The following PCDHGA3 variants were observed in gnomAD, a reference collection of about 807,000 sequenced individuals.
PCDHGA3 encodes protocadherin gamma-A3.
A neutral mutation model predicts 58.5 loss-of-function variants in PCDHGA3; 40 were observed. The observed-to-expected ratio is 0.68, with a 90% CI of 0.53 to 0.89. PCDHGA3 has a LOEUF of 0.89. Ranked by LOEUF, PCDHGA3 falls within the 40% of genes least tolerant of loss-of-function variation. The pLI, the probability that PCDHGA3 is intolerant of heterozygous loss-of-function variation, is 0.00. For synonymous variants in PCDHGA3, 530 were observed against 525.7 expected (o/e 1.01, Z -0.11); for missense variants, 1,223 against 1,195.9 (o/e 1.02, Z -0.33).
rs546241811 is a variant in PCDHGA3, at chr5:141,352,321, C to T, written c.2424+5864C>T. The stretch of plus-strand genomic sequence containing the variant: ...ACCCCCAGACGGAACTGCAGTTTTA[C>T]CTGGTTGTGGCCTTGGCCTTGATCT... On this transcript the variant is annotated intron_variant, in intron 1 of 3. Transcript: ENST00000253812. 212 of 1,614,078 alleles carry T rather than the reference C, an allele frequency of 1.3e-4. 3 individuals carry two copies. In the Middle Eastern group the frequency reaches 2.6e-3, roughly 20 times the overall value.
chr5:141,458,823 C>T (rs1185812086), intron 1 of PCDHGA3, among the ~76,000 whole-genome samples: 1 of 152,126 alleles, frequency 6.6e-6, no homozygotes, highest in African/African-American at 2.4e-5. Flanking sequence ...ACCTCTGCCT[C>T]CCAGGCTCAA....
chr5:141,389,196 C>T, intron 1 of PCDHGA3: 1 of 1,614,048 alleles, frequency 6.2e-7, no homozygotes, highest in South Asian at 1.1e-5. Flanking sequence ...CAGCATCACC[C>T]TGCACATTGG....
Position 141,486,200 on chromosome 5 carries a change from G to A in PCDHGA3, c.2425-8607G>A, listed in dbSNP as rs764874531. The stretch of plus-strand genomic sequence containing the variant: ...CAGCCTTCGAGTGGATCTGCTGGAC[G>A]TAAATGACAATGCCCCTTACATCAC... On this transcript the variant is annotated intron_variant, in intron 1 of 3. Transcript: ENST00000253812. The surrounding 1 kb of genome is among the most constrained non-coding windows in gnomAD (Gnocchi z 5.0). The A allele has an allele frequency of 2.0e-5, 32 of 1,614,096 alleles. No homozygotes were observed. Among genetic ancestry groups the A allele is most frequent in the Non-Finnish European group, 2.3e-5 (27 of 1,180,040 alleles).
intron 1 of PCDHGA3, among the ~76,000 whole-genome samples, chr5:141,353,388 A>C (rs944998762): frequency 2.6e-5 from 4 of 152,252 alleles, no homozygotes; most frequent in Non-Finnish European, 5.9e-5. Flanking sequence ...TAATGTAATT[A>C]TGTAATTAAT....
At position 141,410,454 on chromosome 5, in the gene PCDHGA3, C is replaced by T. The variant is rs199849689; in HGVS notation, c.2424+63997C>T. 5,103 of 1,614,034 alleles carry T rather than the reference C, an allele frequency of 3.2e-3. 16 individuals are homozygous for T. Among genetic ancestry groups the T allele is most frequent in the Non-Finnish European group, 4.0e-3 (4,661 of 1,179,898 alleles). On this transcript the variant is annotated intron_variant, in intron 1 of 3. Transcript: ENST00000253812. ...TACAGTGAGGGGACTTTGCCTTATT[C>T]TTATAATCTGTGCATTGCACATACG... is the stretch of plus-strand genomic sequence containing the variant.
chr5:141,352,839 T>A (rs932260905), intron 1 of PCDHGA3: 4 of 717,548 alleles, frequency 5.6e-6, no homozygotes, highest in Non-Finnish European at 9.0e-6. Context: ...ATTACAAAAA[T>A]TAGTTGGGTG....
rs2099394923 is a variant in PCDHGA3 at position 141,476,611 on chromosome 5, A to G, written c.2425-18196A>G. On this transcript the variant is annotated intron_variant, in intron 1 of 3. Coordinates refer to ENST00000253812, the MANE Select transcript of PCDHGA3 (RefSeq NM_018916.4). The surrounding 1 kb of genome is among the most constrained non-coding windows in gnomAD (Gnocchi z 7.6). ...AGAGCGCGCACGATCCCGATGTGGG[A>G]AGCAACTCTTTACAAACCTATGAGC... 6.2e-7 allele frequency: 1 copy of G among 1,614,092 alleles called. No individual in the cohort carries two copies. Among genetic ancestry groups the G allele is most frequent in the Non-Finnish European group, 8.5e-7 (1 of 1,180,042 alleles).
chr5:141,344,809 C>T lies in PCDHGA3; in HGVS notation c.776C>T (p.Thr259Ile). 1 of 1,613,952 alleles carries T rather than the reference C, an allele frequency of 6.2e-7. No homozygotes were observed. Among genetic ancestry groups the T allele is most frequent in the Non-Finnish European group, 8.5e-7 (1 of 1,179,896 alleles). ...VSVWENVPVG[T>I]RLLTVNATDP... ...GTTTGGGAGAACGTGCCTGTGGGTA[C>T]CCGGCTGCTCACGGTGAATGCCACT... Residue 259 changes from threonine to isoleucine, a missense_variant, in exon 1 of 4, where the codon ACC becomes ATC. Physicochemically the swap from Thr to Ile is moderately conservative, Grantham distance 89. Around this residue, in one of 3 missense-constraint regions of PCDHGA3, gnomAD observed 791 missense variants for 708.5 expected, o/e 1.12. Transcript: ENST00000253812.
At chr5:141,365,941 T>A (rs1175439180) in intron 1 of PCDHGA3, 1 of 1,614,152 alleles carries the variant, frequency 6.2e-7, no homozygotes, top group East Asian at 2.2e-5. Context: ...CCAGCGACAG[T>A]GGGAACCCTC....
chr5:141,438,627 T>TATAC (rs2098031123), intron 1 of PCDHGA3, among the ~76,000 whole-genome samples: 4 of 48,012 alleles, frequency 8.3e-5, no homozygotes, highest in Admixed American at 6.2e-4. Flanking sequence ...TATATATATA[T>TATAC]ATATATATAC....
chr5:141,394,196 C>T, intron 1 of PCDHGA3: 1 of 1,613,910 alleles, frequency 6.2e-7, no homozygotes, highest in Non-Finnish European at 8.5e-7. Flanking sequence ...CAGCGTATAT[C>T]CTAGAGAACA....
chr5:141,399,465 G>A, intron 1 of PCDHGA3: 1 of 1,614,014 alleles, frequency 6.2e-7, no homozygotes, highest in Non-Finnish European at 8.5e-7. Context: ...ATAACGCTCC[G>A]GTTTTCCACC....
At chr5:141,389,513 C>T (rs749432491) in intron 1 of PCDHGA3, 3 of 1,613,156 alleles carry the variant, frequency 1.9e-6, no homozygotes, top group South Asian at 1.1e-5. Context: ...TCAGCGCGAA[C>T]GTGAGCCTGC....
intron 1 of PCDHGA3, among the ~76,000 whole-genome samples, chr5:141,452,350 A>G (rs1355934993): frequency 6.6e-6 from 1 of 152,212 alleles, no homozygotes; most frequent in Admixed American, 6.5e-5. Context: ...CCATTTATCC[A>G]AAAGCCTTGC....
In PCDHGA3 at chr5:141,431,354, G is replaced by T. The variant is rs777198567; in HGVS notation, c.2425-63453G>T. The T allele has an allele frequency of 1.9e-6, 3 of 1,614,036 alleles. No individual in the cohort carries two copies. In the South Asian group the frequency reaches 3.3e-5, roughly 18 times the overall value. ...GTACCCCGAATTGGTGCTGAAACGC[G>T]CCCTGGACCGCGAAGAAAAGGCTGC... On this transcript the variant is annotated intron_variant, in intron 1 of 3. Coordinates refer to ENST00000253812, the MANE Select transcript of PCDHGA3 (RefSeq NM_018916.4). This position sits in a 1 kb window ranked among gnomAD's most constrained non-coding sequence, Gnocchi z 4.8.
intron 1 of PCDHGA3, among the ~76,000 whole-genome samples, chr5:141,467,931 T>C (rs771009105): frequency 1.3e-5 from 2 of 151,966 alleles, no homozygotes; most frequent in Non-Finnish European, 2.9e-5. Flanking sequence ...AATGCTAGGA[T>C]TACAAGCATG....
intron 1 of PCDHGA3, among the ~76,000 whole-genome samples, chr5:141,445,945 C>G (rs1433543714): frequency 1.3e-5 from 2 of 152,254 alleles, no homozygotes; most frequent in Non-Finnish European, 2.9e-5. Flanking sequence ...TAAGCTTACT[C>G]TGGCTGCTAT....
chr5:141,400,072 C>G (rs1469206078), intron 1 of PCDHGA3: 1 of 1,613,934 alleles, frequency 6.2e-7, no homozygotes, highest in Non-Finnish European at 8.5e-7. Context: ...TGGACAGCCG[C>G]CACTCTCCGC....
intron 1 of PCDHGA3, chr5:141,394,449 A>T: frequency 6.2e-7 from 1 of 1,614,230 alleles, no homozygotes; most frequent in Non-Finnish European, 8.5e-7. Context: ...CAGCAGCAAC[A>T]TGTCACTGAG....
Sources: gnomAD v4.1 joint callset for allele counts (sites outside exome capture counted in the v4.1 genomes callset) on GRCh38, gnomAD v4.1.1 for gene constraint, gnomAD v4.1.1 regional missense constraint, Gnocchi (gnomAD v3.1) non-coding constraint, MANE v1.5 for transcripts, NCBI Gene and HGNC (gene_info 2026-07-23, HGNC 2026-07-21) for gene names.